SEC14L1: variants seen among roughly 807,000 people sequenced by gnomAD.
SEC14L1 encodes SEC14-like protein 1.
A neutral mutation model predicts 85.3 loss-of-function variants in SEC14L1; 48 were observed. The ratio of observed to expected loss-of-function variants is 0.56; its 90% CI spans 0.45 to 0.72. The LOEUF is 0.72. Among genes scored for constraint, SEC14L1 ranks in the 30% least tolerant of loss-of-function variants. SEC14L1 has a pLI of 0.00. For missense variants in SEC14L1, 682 were observed against 921.4 expected (o/e 0.74, Z 3.36); for synonymous variants, 391 against 355.5 (o/e 1.10, Z -1.12).
intron 3 of SEC14L1, among the ~76,000 whole-genome samples, chr17:77,147,649 T>G (rs532249078): frequency 1.3e-5 from 2 of 152,168 alleles, no homozygotes; most frequent in Non-Finnish European, 2.9e-5. Flanking sequence ...CATACTATGC[T>G]TCTTCCTTCT....
At position 77,213,556 on chromosome 17, in the gene SEC14L1, G is replaced by T; in HGVS notation, c.2042+64G>T. On this transcript the variant is annotated intron_variant, in intron 16 of 16. Coordinates refer to ENST00000436233, the MANE Select transcript of SEC14L1 (RefSeq NM_001143998.2). The surrounding 1 kb of genome is among the most constrained non-coding windows in gnomAD (Gnocchi z 7.1). ...TGGGCATGGTTGGAGGGAGCCTGCA[G>T]TCCCACGCCGTGTGCAGGATCAGCA... 6.4e-7 allele frequency: 1 copy of T among 1,567,744 alleles called. No homozygotes were observed. The highest frequency in any genetic ancestry group is 8.7e-7 in the Non-Finnish European group (1 of 1,153,038).
chr17:77,214,539 G>C lies in SEC14L1; in HGVS notation c.*516G>C. Reference sequence around the variant, plus strand: ...GTCTGTGGACTTAGGGCCAGCCCTTGAGGTCCTTATCCTCTGAGGATTCAG... The same window carrying C: ...GTCTGTGGACTTAGGGCCAGCCCTTCAGGTCCTTATCCTCTGAGGATTCAG... On this transcript the variant is annotated 3_prime_UTR_variant, in exon 17 of 17. Transcript: ENST00000436233. 5 of 993,996 alleles carry C rather than the reference G, an allele frequency of 5.0e-6. No homozygotes were observed. The highest frequency in any genetic ancestry group is 6.0e-6 in the Non-Finnish European group (5 of 834,688). 61.6% of individuals were successfully genotyped at this position (993,996 alleles called of 1,614,324 possible).
chr17:77,208,879 G>A (rs1040707667), intron 13 of SEC14L1, among the ~76,000 whole-genome samples: 2 of 152,180 alleles, frequency 1.3e-5, no homozygotes, highest in Non-Finnish European at 2.9e-5. Context: ...TTTTTGGCTG[G>A]TGTTATAGAC....
intron 3 of SEC14L1, chr17:77,099,116 T>C (rs1242897537): frequency 6.6e-6 from 1 of 152,220 alleles, no homozygotes; most frequent in Non-Finnish European, 1.5e-5. Context: ...GTTCACAGAC[T>C]GTCAGCTGTG....
intron 3 of SEC14L1, among the ~76,000 whole-genome samples, chr17:77,100,412 C>T (rs369609538): frequency 0.015 from 1,123 of 74,224 alleles, no homozygotes; most frequent in Middle Eastern, 0.044. Context: ...TTTTTCTTTT[C>T]TTTCTCTCTC....
At chr17:77,185,173 G>A (rs981755428) in intron 3 of SEC14L1, 9 of 979,976 alleles carry the variant, frequency 9.2e-6, no homozygotes, top group Admixed American at 6.1e-5. Flanking sequence ...TGAAGTCCTC[G>A]TTCTCCTGAG....
intron 3 of SEC14L1, among the ~76,000 whole-genome samples, chr17:77,097,746 T>C (rs1415688316): frequency 6.6e-6 from 1 of 152,090 alleles, no homozygotes; most frequent in Admixed American, 6.6e-5. Flanking sequence ...TGAACAAGTA[T>C]TGCTGGATAT....
chr17:77,190,028 A>G (rs542544810), intron 3 of SEC14L1, among the ~76,000 whole-genome samples: 97 of 152,302 alleles, frequency 6.4e-4, no homozygotes, highest in African/African-American at 2.1e-3. Context: ...ACATCTAAGA[A>G]TTCTTTGCCT....
intron 3 of SEC14L1, chr17:77,127,870 GACAC>G (rs964917356): frequency 3.3e-5 from 5 of 152,206 alleles, no homozygotes; most frequent in Non-Finnish European, 7.3e-5. Flanking sequence ...AGAGATTTGA[GACAC>G]ACAAGGGAGA....
intron 3 of SEC14L1, among the ~76,000 whole-genome samples, chr17:77,112,320 A>C (rs1040567944): frequency 2.6e-5 from 4 of 152,166 alleles, no homozygotes; most frequent in African/African-American, 4.8e-5. Flanking sequence ...AGACTAATGC[A>C]GGGGGGCTAT....
chr17:77,192,362 G>C (rs1460966144), intron 5 of SEC14L1, among the ~76,000 whole-genome samples: 2 of 152,194 alleles, frequency 1.3e-5, no homozygotes, highest in Admixed American at 6.5e-5. Context: ...AAGTATGTCA[G>C]ATTAAGTCAC....
intron 3 of SEC14L1, among the ~76,000 whole-genome samples, chr17:77,121,992 G>C (rs1383175227): frequency 6.6e-6 from 1 of 152,198 alleles, no homozygotes; most frequent in Non-Finnish European, 1.5e-5. Flanking sequence ...GTGTAAACAT[G>C]CATTAGTCAG....
At chr17:77,097,182 G>C (rs752202238) in intron 3 of SEC14L1, among the ~76,000 whole-genome samples, 2 of 152,230 alleles carry the variant, frequency 1.3e-5, no homozygotes, top group African/African-American at 4.8e-5. Context: ...GGGTTTAGAA[G>C]TGTCTCTGGC....
intron 3 of SEC14L1, among the ~76,000 whole-genome samples, chr17:77,182,221 T>C (rs1169297451): frequency 1.3e-5 from 2 of 152,200 alleles, no homozygotes; most frequent in Non-Finnish European, 2.9e-5. Flanking sequence ...TCTGGTGGAG[T>C]GCAGCATTCA....
chr17:77,106,294 G>T (rs1971912833), intron 3 of SEC14L1, among the ~76,000 whole-genome samples: 1 of 152,146 alleles, frequency 6.6e-6, no homozygotes, highest in Admixed American at 6.6e-5. Context: ...AGCACTTTGG[G>T]AGGCTAAGGT....
At chr17:77,102,220 T>C (rs1971794273) in intron 3 of SEC14L1, among the ~76,000 whole-genome samples, 1 of 152,220 alleles carries the variant, frequency 6.6e-6, no homozygotes, top group Admixed American at 6.5e-5. Flanking sequence ...TACAGCTAAG[T>C]GGATACAGCC....
intron 3 of SEC14L1, among the ~76,000 whole-genome samples, chr17:77,102,124 A>T (rs1328880217): frequency 2.6e-5 from 4 of 152,256 alleles, no homozygotes; most frequent in Admixed American, 2.6e-4. Flanking sequence ...AAACAATTTT[A>T]TGATTGAATA....
chr17:77,153,058 C>CTTTA (rs1438639868), intron 3 of SEC14L1, among the ~76,000 whole-genome samples: 1 of 152,050 alleles, frequency 6.6e-6, no homozygotes, highest in East Asian at 1.9e-4. Context: ...TAGCAGTTCT[C>CTTTA]TTTATTTATT....
intron 11 of SEC14L1, among the ~76,000 whole-genome samples, chr17:77,205,822 CCTCT>C (rs1450687720): frequency 1.3e-5 from 2 of 152,100 alleles, no homozygotes; most frequent in Non-Finnish European, 1.5e-5. Flanking sequence ...ACAGTGCTTG[CCTCT>C]CTCTCTGTTG....
Sources: gnomAD v4.1 joint callset for allele counts (sites outside exome capture counted in the v4.1 genomes callset) on GRCh38, gnomAD v4.1.1 for gene constraint, Gnocchi (gnomAD v3.1) non-coding constraint, MANE v1.5 for transcripts, NCBI Gene and HGNC (gene_info 2026-07-23, HGNC 2026-07-21) for gene names.